CFAP46: variants seen among roughly 807,000 people sequenced by gnomAD.
CFAP46 encodes the protein cilia and flagella associated protein 46.
In CFAP46, 245 loss-of-function variants were observed where a neutral mutation model predicts 325.7. The observed-to-expected ratio is 0.75, with a 90% CI of 0.68 to 0.84. The LOEUF (loss-of-function observed/expected upper bound fraction) is 0.84, where lower values mean the gene tolerates loss of function less well. Ranked by LOEUF, CFAP46 falls within the 40% of genes least tolerant of loss-of-function variation. The probability of loss-of-function intolerance (pLI) is 0.00; values close to 1 mark genes in which losing one functional copy is unlikely to be tolerated. For missense variants in CFAP46, 3,346 were observed against 3,543.0 expected (o/e 0.94, Z 1.41); for synonymous variants, 1,523 against 1,495.9 (o/e 1.02, Z -0.42).
intron 28 of CFAP46, among the ~76,000 whole-genome samples, chr10:132,880,249 G>A (rs978322001): frequency 1.3e-5 from 2 of 152,322 alleles, no homozygotes; most frequent in Non-Finnish European, 2.9e-5. Context: ...TTTCTGCCCC[G>A]GGTCACCCTG....
rs905678936 is a variant in CFAP46, at chr10:132,912,683, G to C, written c.2471C>G (p.Ala824Gly). 1 of 1,548,706 alleles carries C rather than the reference G, an allele frequency of 6.5e-7. No homozygotes were observed. Among genetic ancestry groups the C allele is most frequent in the African/African-American group, 1.4e-5 (1 of 72,794 alleles). ...NAFHSPLDAG[A>G]TSEIKTAVEV... ...CACCGCTGTTTTGATCTCGGAAGTG[G>C]CTCCTGCGTCCAGTGGGCTGTGAAA... The change falls in exon 19 of 58, where the codon GCC (alanine) becomes GGC (glycine). Residue 824 changes from alanine (A) to glycine (G), a missense_variant. Transcript: ENST00000368586.
intron 44 of CFAP46, among the ~76,000 whole-genome samples, chr10:132,838,397 G>C (rs1848300548): frequency 6.6e-6 from 1 of 152,278 alleles, no homozygotes; most frequent in Non-Finnish European, 1.5e-5. Flanking sequence ...TGCGTGAAAA[G>C]CTCGATGGAT....
rs376045161 is a variant in CFAP46 at position 132,846,177 on chromosome 10, G to A, written c.6318C>T (p.Ala2106=). 15 of 1,611,800 alleles carry A rather than the reference G, an allele frequency of 9.3e-6. No homozygotes were observed. The highest frequency in any genetic ancestry group is 1.2e-5 in the Non-Finnish European group (14 of 1,179,596). ...TMRDVLLAAT[A]NTSSSQLAAL... ...CCGCCAGCTGTGAGCTGCTGGTGTT[G>A]GCTGTGGCTGCAAGCAGGACATCCC... Residue 2106 remains alanine, a synonymous_variant, in exon 44 of 58, where the codon GCC becomes GCT. Transcript: ENST00000368586.
intron 8 of CFAP46, among the ~76,000 whole-genome samples, chr10:132,933,372 T>G (rs575273588): frequency 1.1e-4 from 17 of 152,264 alleles, no homozygotes; most frequent in Admixed American, 7.2e-4. Flanking sequence ...TGGACAGACC[T>G]CGGAACAGGG....
At chr10:132,911,676 T>G (rs534505490) in intron 19 of CFAP46, among the ~76,000 whole-genome samples, 1 of 152,352 alleles carries the variant, frequency 6.6e-6, no homozygotes, top group East Asian at 1.9e-4. Context: ...TTCTTTTCCC[T>G]TCCTTTTGGA....
intron 25 of CFAP46, among the ~76,000 whole-genome samples, chr10:132,888,140 T>C (rs1290799761): frequency 6.6e-6 from 1 of 151,520 alleles, no homozygotes; most frequent in Non-Finnish European, 1.5e-5. Flanking sequence ...TGGAAAACTC[T>C]TTGGATCTCA....
intron 41 of CFAP46, among the ~76,000 whole-genome samples, chr10:132,848,803 T>C (rs2135121658): frequency 6.6e-6 from 1 of 152,288 alleles, no homozygotes; most frequent in Non-Finnish European, 1.5e-5. Context: ...AACTTCTCCC[T>C]GTGTCCACGC....
intron 5 of CFAP46, 37 bp downstream of exon 5, chr10:132,938,552 C>A (rs1850047399): frequency 6.2e-7 from 1 of 1,601,824 alleles, no homozygotes. Context: ...GGGCGGCCCA[C>A]CGGGAGGCCA....
intron 50 of CFAP46, among the ~76,000 whole-genome samples, chr10:132,819,503 A>G (rs978737936): frequency 7.2e-5 from 11 of 152,374 alleles, no homozygotes; most frequent in Admixed American, 1.3e-4. Flanking sequence ...CAACAAAGCT[A>G]TAGTAATCAA....
At chr10:132,863,540 C>A (rs1431728378) in intron 35 of CFAP46, among the ~76,000 whole-genome samples, 1 of 151,598 alleles carries the variant, frequency 6.6e-6, no homozygotes, top group African/African-American at 2.4e-5. Flanking sequence ...GAGACCTGCA[C>A]ACACCTGTCC....
At chr10:132,863,640 C>T (rs1848755664) in intron 35 of CFAP46, among the ~76,000 whole-genome samples, 1 of 151,642 alleles carries the variant, frequency 6.6e-6, no homozygotes, top group South Asian at 2.1e-4. Flanking sequence ...TACACTTGTC[C>T]CTCTTCCTGA....
In CFAP46 at chr10:132,919,307, G is replaced by T. The variant is rs887972053; in HGVS notation, c.1858+8C>A. The T allele has an allele frequency of 6.5e-7, 1 of 1,548,822 alleles. No homozygotes were observed. The highest frequency in any genetic ancestry group is 2.4e-5 in the East Asian group (1 of 40,888). ...GGCTGGGACACACTCGTGAGGGCGG[G>T]TACGAACCTCGCCGCAGCCTCAACT... is the stretch of plus-strand genomic sequence containing the variant. On this transcript the variant is annotated splice_region_variant and intron_variant, in intron 15 of 57. Transcript: ENST00000368586. This position sits in a 1 kb window ranked among gnomAD's most constrained non-coding sequence, Gnocchi z 9.7.
intron 29 of CFAP46, among the ~76,000 whole-genome samples, 190 bp from the exon 30 acceptor site, chr10:132,878,277 G>A (rs541410771): frequency 6.6e-6 from 1 of 152,352 alleles, no homozygotes; most frequent in South Asian, 2.1e-4. Context: ...CTGGCCCGGG[G>A]TGTGGGCACC....
intron 44 of CFAP46, among the ~76,000 whole-genome samples, chr10:132,840,265 T>C (rs1252764812): frequency 6.6e-6 from 1 of 152,218 alleles, no homozygotes; most frequent in African/African-American, 2.4e-5. Flanking sequence ...GTCAAGAACA[T>C]TCTGTGTGAA....
At chr10:132,920,258 C>A in intron 13 of CFAP46, 76 bp from the exon 14 acceptor site, 1 of 1,432,576 alleles carries the variant, frequency 7.0e-7, no homozygotes, top group South Asian at 1.5e-5. Context: ...GTAACCAATG[C>A]CCTGCGCCGG....
chr10:132,830,637 T>G (rs968530458), intron 50 of CFAP46, among the ~76,000 whole-genome samples: 3 of 152,220 alleles, frequency 2.0e-5, no homozygotes, highest in Non-Finnish European at 4.4e-5. Context: ...CTCTCTTGAC[T>G]CTGTAGTGAT....
Position 132,850,105 on chromosome 10 carries a change from T to C in CFAP46, c.5952+139A>G, listed in dbSNP as rs1848510987. 4 of 861,850 alleles carry C rather than the reference T, an allele frequency of 4.6e-6. No individual in the cohort carries two copies. The South Asian group carries it at 6.9e-5, about 15-fold the overall frequency. The allele number at this position is 861,850 out of a possible 1,614,324, so 53.4% of individuals were successfully genotyped here. On this transcript the variant is annotated intron_variant, in intron 41 of 57. Transcript: ENST00000368586. ...AGTTTTGCCAGCCCCATTTCTTCCC[T>C]CACGCCTACTTCCTACATTTTTCTC... is the stretch of plus-strand genomic sequence containing the variant.
intron 50 of CFAP46, among the ~76,000 whole-genome samples, chr10:132,826,294 C>T (rs867467792): frequency 7.9e-5 from 11 of 139,010 alleles, no homozygotes; most frequent in Middle Eastern, 4.5e-3. Context: ...CCGCAGAGAC[C>T]CACCACAGAG....
intron 41 of CFAP46, among the ~76,000 whole-genome samples, chr10:132,849,208 G>A (rs1385159727): frequency 6.6e-6 from 1 of 152,210 alleles, no homozygotes; most frequent in Non-Finnish European, 1.5e-5. Flanking sequence ...AGGCCCTGCC[G>A]ACCCTCGCTT....
Sources: allele counts gnomAD v4.1 joint callset (sites outside exome capture counted in the v4.1 genomes callset), GRCh38; gene constraint gnomAD v4.1.1; non-coding constraint Gnocchi (gnomAD v3.1); transcripts MANE v1.5; gene names NCBI Gene and HGNC (gene_info 2026-07-23, HGNC 2026-07-21).